Variants in STAU2 observed in about 807,000 individuals in gnomAD.
STAU2 encodes double-stranded RNA-binding protein Staufen homolog 2.
In STAU2, 20 loss-of-function variants were observed where a neutral mutation model predicts 65.9. The observed-to-expected ratio is 0.30, with a 90% confidence interval of 0.21 to 0.44. STAU2 has a LOEUF of 0.44. Ranked by LOEUF, STAU2 falls within the 20% of genes least tolerant of loss-of-function variation. The pLI, the probability that STAU2 is intolerant of heterozygous loss-of-function variation, is 1.00. For missense variants in STAU2, 558 were observed against 683.9 expected, an observed-to-expected ratio of 0.82 and a Z score of 2.05; for synonymous variants, 232 against 233.9, an observed-to-expected ratio of 0.99 and a Z score of 0.07.
intron 1 of STAU2, chr8:73,742,111 CT>C: frequency 1.4e-6 from 1 of 695,862 alleles, no homozygotes; most frequent in Non-Finnish European, 1.8e-6. Context: ...AGTGGCACGT[CT>C]TTAAGACTCT....
chr8:73,562,648 A>G (rs1438320537), intron 12 of STAU2, among the ~76,000 whole-genome samples: 1 of 152,252 alleles, frequency 6.6e-6, no homozygotes, highest in Non-Finnish European at 1.5e-5. Flanking sequence ...CCTTAGGATG[A>G]AAGAACTTAA....
chr8:73,638,423 TA>T (rs1318047037), intron 6 of STAU2, among the ~76,000 whole-genome samples: 2 of 151,614 alleles, frequency 1.3e-5, no homozygotes, highest in African/African-American at 4.8e-5. Context: ...AAAAAACACT[TA>T]TTTTTTTAAA....
At chr8:73,483,935 TC>T (rs1820778284) in intron 13 of STAU2, among the ~76,000 whole-genome samples, 1 of 152,190 alleles carries the variant, frequency 6.6e-6, no homozygotes, top group South Asian at 2.1e-4. Flanking sequence ...CTAGTTCTTT[TC>T]TTTTAAATGC....
intron 6 of STAU2, among the ~76,000 whole-genome samples, chr8:73,656,700 G>A (rs1029552091): frequency 6.6e-6 from 1 of 152,166 alleles, no homozygotes; most frequent in African/African-American, 2.4e-5. Context: ...CCAAATGGTA[G>A]AGCTGCAAAC....
intron 12 of STAU2, among the ~76,000 whole-genome samples, chr8:73,573,534 C>G (rs60574109): frequency 1.3e-5 from 2 of 152,034 alleles, no homozygotes; most frequent in African/African-American, 2.4e-5. Flanking sequence ...AAAACAGCAG[C>G]GTACTGGTAC....
chr8:73,639,430 G>T (rs947611143), intron 6 of STAU2, among the ~76,000 whole-genome samples: 1 of 152,018 alleles, frequency 6.6e-6, no homozygotes, highest in Admixed American at 6.6e-5. Flanking sequence ...TCTGGGAGAT[G>T]AATGAGATGC....
intron 13 of STAU2, among the ~76,000 whole-genome samples, chr8:73,475,255 A>G (rs1382421438): frequency 2.0e-5 from 3 of 152,134 alleles, no homozygotes; most frequent in Non-Finnish European, 1.5e-5. Context: ...TCTGCAGTAT[A>G]TTGTATTTCA....
chr8:73,626,855 G>C (rs898845501), intron 6 of STAU2, among the ~76,000 whole-genome samples: 5 of 152,118 alleles, frequency 3.3e-5, no homozygotes, highest in African/African-American at 1.2e-4. Flanking sequence ...GTGAAAAGCA[G>C]CCACGCTGAA....
intron 3 of STAU2, among the ~76,000 whole-genome samples, chr8:73,718,982 A>C (rs1005705806): frequency 6.6e-6 from 1 of 152,178 alleles, no homozygotes; most frequent in African/African-American, 2.4e-5. Flanking sequence ...GGACAGTTTT[A>C]TTCATTTCTT....
At chr8:73,715,930 T>TGAG (rs1821218011) in intron 3 of STAU2, among the ~76,000 whole-genome samples, 3 of 152,114 alleles carry the variant, frequency 2.0e-5, no homozygotes, top group African/African-American at 7.2e-5. Context: ...TTCTTTTTTT[T>TGAG]TTGAGACGGA....
At chr8:73,434,979 T>TGCC (rs1817585614) in intron 13 of STAU2, among the ~76,000 whole-genome samples, 1 of 151,792 alleles carries the variant, frequency 6.6e-6, no homozygotes, top group Admixed American at 6.6e-5. Flanking sequence ...CCTCATTGAG[T>TGCC]GCCAGTCCAT....
At chr8:73,588,399 A>C (rs1282141012) in intron 11 of STAU2, among the ~76,000 whole-genome samples, 1 of 152,388 alleles carries the variant, frequency 6.6e-6, no homozygotes, top group East Asian at 1.9e-4. Context: ...AGCTCCAGAC[A>C]GCAGCTCTTT....
At chr8:73,491,885 T>C (rs1197913891) in intron 13 of STAU2, among the ~76,000 whole-genome samples, 1 of 151,918 alleles carries the variant, frequency 6.6e-6, no homozygotes, top group Non-Finnish European at 1.5e-5. Context: ...AAGAAATAAA[T>C]GAGAAGTAGT....
At chr8:73,566,743 G>A (rs1316224618) in intron 12 of STAU2, among the ~76,000 whole-genome samples, 1 of 152,112 alleles carries the variant, frequency 6.6e-6, no homozygotes, top group South Asian at 2.1e-4. Flanking sequence ...TGTAAAACAT[G>A]TGAGGTTGGA....
chr8:73,732,092 G>A (rs1412031252), intron 3 of STAU2, among the ~76,000 whole-genome samples: 1 of 152,236 alleles, frequency 6.6e-6, no homozygotes, highest in Non-Finnish European at 1.5e-5. Flanking sequence ...CAGGACAGAT[G>A]TTTAGGACTG....
chr8:73,633,765 G>A (rs1814279882), intron 6 of STAU2, among the ~76,000 whole-genome samples: 1 of 152,164 alleles, frequency 6.6e-6, no homozygotes, highest in African/African-American at 2.4e-5. Flanking sequence ...TGGATCACCT[G>A]AGGCCAGGAG....
At chr8:73,453,559 A>G (rs943171157) in intron 13 of STAU2, among the ~76,000 whole-genome samples, 3 of 152,200 alleles carry the variant, frequency 2.0e-5, no homozygotes, top group African/African-American at 7.2e-5. Context: ...ATCAAGGGGC[A>G]CCTTGTTACC....
intron 5 of STAU2, among the ~76,000 whole-genome samples, chr8:73,685,639 G>C (rs1188394359): frequency 6.6e-6 from 1 of 152,098 alleles, no homozygotes. Context: ...GTCTCCCAAA[G>C]TGCTGGGATT....
chr8:73,550,978 A>T, intron 13 of STAU2: 1 of 985,980 alleles, frequency 1.0e-6, no homozygotes, highest in Non-Finnish European at 1.2e-6. Context: ...GATCTTCTAG[A>T]GCATTTCTAA....
Sources: allele counts gnomAD v4.1 joint callset (sites outside exome capture counted in the v4.1 genomes callset), GRCh38; gene constraint gnomAD v4.1.1; transcripts MANE v1.5; gene names NCBI Gene and HGNC (gene_info 2026-07-23, HGNC 2026-07-21).